The following MACROD2 variants were observed in gnomAD, a reference collection of about 807,000 sequenced individuals.
MACROD2 encodes ADP-ribose glycohydrolase MACROD2.
Under a neutral mutation model 70.4 loss-of-function variants are expected in MACROD2, and 36 were observed. The observed-to-expected ratio is 0.51, with a 90% CI of 0.39 to 0.68. The LOEUF (loss-of-function observed/expected upper bound fraction) is 0.68. MACROD2 is among the 30% of genes least tolerant of loss of function. MACROD2 has a pLI of 0.00. For missense variants in MACROD2, 496 were observed against 538.4 expected (o/e 0.92, Z 0.78); for synonymous variants, 172 against 178.8 (o/e 0.96, Z 0.30).
intron 6 of MACROD2, among the ~76,000 whole-genome samples, chr20:15,380,151 C>G (rs1415496815): frequency 6.7e-6 from 1 of 148,384 alleles, no homozygotes; most frequent in Non-Finnish European, 1.5e-5. Flanking sequence ...ATAGCCACCC[C>G]CATCTGTCAT....
rs150283641 is a variant in MACROD2 at position 14,514,138 on chromosome 20, CTT to C, written c.301+20631_301+20632del. 6.2e-3 allele frequency among the ~76,000 whole-genome samples: 944 copies of C among 152,166 alleles called. 17 individuals are homozygous for C. Among genetic ancestry groups the C allele is most frequent in the African/African-American group, 0.021 (887 of 41,544 alleles). On this transcript the variant is annotated intron_variant, in intron 4 of 17. Coordinates refer to ENST00000684519, the MANE Select transcript of MACROD2 (RefSeq NM_001351661.2). Reference sequence around the variant, plus strand: ...TCTAGCCTCATTACACTGTGAGAGACTTAGGACCAGGGGCAGAAGAGAAGCCT... The same window carrying C: ...TCTAGCCTCATTACACTGTGAGAGACAGGACCAGGGGCAGAAGAGAAGCCT...
chr20:15,899,827 G>A (rs990877482), intron 10 of MACROD2, among the ~76,000 whole-genome samples: 5 of 152,134 alleles, frequency 3.3e-5, no homozygotes, highest in Non-Finnish European at 5.9e-5. Context: ...GATGTCTTTT[G>A]TCAGATGAAA....
At chr20:14,525,083 C>T (rs2085215668) in intron 4 of MACROD2, among the ~76,000 whole-genome samples, 1 of 152,062 alleles carries the variant, frequency 6.6e-6, no homozygotes, top group Non-Finnish European at 1.5e-5. Context: ...CATCAAAACC[C>T]CTTTATAACT....
rs549309717 is a variant in MACROD2 at position 15,887,440 on chromosome 20, G to C, written c.775+1629G>C. ...TAGAAGAGGAACTGTAGCAGTGGCT[G>C]TTGGTGCCCTACTTATGTCTCCTTG... On this transcript the variant is annotated intron_variant, in intron 10 of 17. Transcript: ENST00000684519. Among the ~76,000 whole-genome samples the C allele has an allele frequency of 5.3e-5, 8 of 152,292 alleles. No individual in the cohort carries two copies. The South Asian group carries it at 1.7e-3, about 32-fold the overall frequency.
At chr20:14,942,341 C>T (rs1006129646) in intron 5 of MACROD2, among the ~76,000 whole-genome samples, 1 of 151,262 alleles carries the variant, frequency 6.6e-6, no homozygotes, top group African/African-American at 2.4e-5. Flanking sequence ...CCTCCTTCTC[C>T]TCCTCCTTCT....
chr20:16,039,031 C>A (rs912484488), intron 15 of MACROD2, among the ~76,000 whole-genome samples: 3 of 151,854 alleles, frequency 2.0e-5, no homozygotes, highest in African/African-American at 4.8e-5. Flanking sequence ...TGGTAGAACC[C>A]AACCTTCAAG....
chr20:15,785,645 T>C (rs1008123252), intron 8 of MACROD2, among the ~76,000 whole-genome samples: 1 of 152,220 alleles, frequency 6.6e-6, no homozygotes, highest in East Asian at 1.9e-4. Flanking sequence ...GAGTGTCAGA[T>C]TGAAGCAGAG....
At chr20:14,230,996 T>C (rs993219915) in intron 3 of MACROD2, among the ~76,000 whole-genome samples, 1 of 151,788 alleles carries the variant, frequency 6.6e-6, no homozygotes, top group Non-Finnish European at 1.5e-5. Flanking sequence ...GGAATCTTTT[T>C]TTTTTTTCTG....
chr20:14,954,896 T>G (rs1158699006), intron 5 of MACROD2, among the ~76,000 whole-genome samples: 55 of 14,664 alleles, frequency 3.8e-3, no homozygotes, highest in African/African-American at 8.7e-3. Flanking sequence ...ATATATTATA[T>G]ATAATTTATA....
intron 5 of MACROD2, among the ~76,000 whole-genome samples, chr20:15,160,751 T>C (rs186558457): frequency 6.6e-6 from 1 of 152,258 alleles, no homozygotes; most frequent in Admixed American, 6.5e-5. Context: ...TTTAAATATG[T>C]ATTTGAAATT....
chr20:15,705,526 TCTC>T (rs1399087878), intron 8 of MACROD2, among the ~76,000 whole-genome samples: 2 of 152,148 alleles, frequency 1.3e-5, no homozygotes, highest in Non-Finnish European at 2.9e-5. Flanking sequence ...TTCAAGCAGT[TCTC>T]CTGCCTCGGC....
intron 3 of MACROD2, among the ~76,000 whole-genome samples, chr20:14,093,930 G>A (rs1454920864): frequency 6.6e-6 from 1 of 152,024 alleles, no homozygotes. Context: ...GCAAATACAG[G>A]CAGAGGCCAG....
At chr20:14,727,163 A>T (rs1379585113) in intron 5 of MACROD2, among the ~76,000 whole-genome samples, 1 of 152,192 alleles carries the variant, frequency 6.6e-6, no homozygotes. Context: ...GTAAACTTCC[A>T]TTGAAAATCT....
chr20:15,507,310 T>C (rs1201321431), intron 8 of MACROD2, among the ~76,000 whole-genome samples: 2 of 151,094 alleles, frequency 1.3e-5, no homozygotes, highest in African/African-American at 2.4e-5. Flanking sequence ...CTTTCTTCCT[T>C]CCTCCCTCCC....
At chr20:15,852,795 G>T (rs535306696) in intron 8 of MACROD2, among the ~76,000 whole-genome samples, 2 of 152,192 alleles carry the variant, frequency 1.3e-5, no homozygotes, top group African/African-American at 4.8e-5. Context: ...TTTTAAGATA[G>T]AATTTCTCAT....
At chr20:14,076,545 A>G (rs1386646181) in intron 2 of MACROD2, among the ~76,000 whole-genome samples, 1 of 151,730 alleles carries the variant, frequency 6.6e-6, no homozygotes, top group African/African-American at 2.4e-5. Context: ...CTGGCTTGGT[A>G]GTGCATGTCT....
chr20:15,492,367 A>G (rs1411833273), intron 7 of MACROD2, among the ~76,000 whole-genome samples: 3 of 151,990 alleles, frequency 2.0e-5, no homozygotes, highest in African/African-American at 7.3e-5. Context: ...ACACCCTCCA[A>G]TCTCTCCTCC....
At chr20:15,031,178 G>A (rs560827032) in intron 5 of MACROD2, among the ~76,000 whole-genome samples, 85 of 152,334 alleles carry the variant, frequency 5.6e-4, no homozygotes, top group African/African-American at 1.9e-3. Flanking sequence ...CTTCCGCTGT[G>A]GACGTCAGGG....
chr20:14,981,993 G>C lies in MACROD2; in HGVS notation c.419-247947G>C, dbSNP rs1437118624. Among the ~76,000 whole-genome samples the C allele has an allele frequency of 2.0e-5, 3 of 152,304 alleles. No homozygotes were observed. In the East Asian group the frequency reaches 5.8e-4, roughly 29 times the overall value. ...GTTTTGAACTTCCTAGAGACTTGTT[G>C]AATGACTTTGACAAAAATGCTGATA... On this transcript the variant is annotated intron_variant, in intron 5 of 17. Transcript: ENST00000684519.
Sources: gnomAD v4.1 joint callset for allele counts (sites outside exome capture counted in the v4.1 genomes callset) on GRCh38, gnomAD v4.1.1 for gene constraint, MANE v1.5 for transcripts, NCBI Gene and HGNC (gene_info 2026-07-23, HGNC 2026-07-21) for gene names.